The following HTR4 variants were observed in gnomAD, a reference collection of about 807,000 sequenced individuals.
HTR4 encodes 5-hydroxytryptamine (serotonin) receptor 4, G protein-coupled.
HTR4 carries 16 observed loss-of-function variants against 36.8 expected under a neutral mutation model. The observed-to-expected ratio is 0.43, with a 90% CI of 0.29 to 0.66. The LOEUF (loss-of-function observed/expected upper bound fraction) is 0.66. Ranked by LOEUF, HTR4 falls within the 30% of genes least tolerant of loss-of-function variation. The pLI is 0.13. For missense variants in HTR4, 438 were observed against 490.9 expected (o/e 0.89, Z 1.02); for synonymous variants, 189 against 185.1 (o/e 1.02, Z -0.17).
intron 5 of HTR4, among the ~76,000 whole-genome samples, chr5:148,468,217 C>A (rs907655104): frequency 3.3e-5 from 5 of 152,104 alleles, no homozygotes; most frequent in Non-Finnish European, 5.9e-5. Context: ...AACTCAAAAC[C>A]AGGAAGAGAG....
intron 2 of HTR4, among the ~76,000 whole-genome samples, chr5:148,617,622 C>T (rs1469473894): frequency 6.6e-6 from 1 of 151,924 alleles, no homozygotes; most frequent in Non-Finnish European, 1.5e-5. Flanking sequence ...GTGCACGCCA[C>T]CACACCCAGC....
At chr5:148,612,826 A>T (rs1215691508) in intron 2 of HTR4, among the ~76,000 whole-genome samples, 1 of 143,662 alleles carries the variant, frequency 7.0e-6, no homozygotes, top group Non-Finnish European at 1.5e-5. Flanking sequence ...AAATAGACGC[A>T]ATAAAAAATG....
intron 2 of HTR4, among the ~76,000 whole-genome samples, chr5:148,556,657 T>C (rs1350517535): frequency 6.6e-6 from 1 of 152,194 alleles, no homozygotes; most frequent in Non-Finnish European, 1.5e-5. Context: ...CAAATGTTAA[T>C]ATTTATATTA....
At chr5:148,534,165 T>C (rs1758703883) in intron 4 of HTR4, among the ~76,000 whole-genome samples, 1 of 152,188 alleles carries the variant, frequency 6.6e-6, no homozygotes, top group Non-Finnish European at 1.5e-5. Context: ...AAACAGGTCA[T>C]GTATAGCTTG....
chr5:148,510,672 T>A (rs1414246362), intron 5 of HTR4, among the ~76,000 whole-genome samples: 2 of 152,252 alleles, frequency 1.3e-5, no homozygotes, highest in East Asian at 3.8e-4. Flanking sequence ...TCATTAATAT[T>A]TGAGAACCAT....
chr5:148,609,636 G>T (rs1205718637), intron 2 of HTR4, among the ~76,000 whole-genome samples: 1 of 151,154 alleles, frequency 6.6e-6, no homozygotes, highest in African/African-American at 2.4e-5. Flanking sequence ...CGCGATCTAG[G>T]CTCACTGCAC....
rs933249984 is a variant in HTR4, at chr5:148,649,026, A to C, written c.-48+5036T>G. On this transcript the variant is annotated intron_variant, in intron 1 of 6. Transcript: ENST00000377888. ...TGTATAACCAATAAATACATTTACTAATACACCTAGCCTTCTAACTAATAC... is the reference window on the plus strand; with the variant it reads ...TGTATAACCAATAAATACATTTACTCATACACCTAGCCTTCTAACTAATAC... Among the ~76,000 whole-genome samples the C allele has an allele frequency of 4.6e-5, 7 of 152,318 alleles. No homozygotes were observed. The South Asian group carries it at 8.3e-4, about 18-fold the overall frequency.
At chr5:148,543,225 AAG>A (rs1759206762) in intron 4 of HTR4, among the ~76,000 whole-genome samples, 1 of 152,210 alleles carries the variant, frequency 6.6e-6, no homozygotes, top group African/African-American at 2.4e-5. Context: ...CATAGGGACA[AAG>A]AGGGACAGAT....
chr5:148,596,435 A>G (rs1034324737), intron 2 of HTR4, among the ~76,000 whole-genome samples: 1 of 152,112 alleles, frequency 6.6e-6, no homozygotes, highest in Non-Finnish European at 1.5e-5. Context: ...AAAGCTCTCT[A>G]TTAACTCACC....
At chr5:148,595,709 C>T (rs2127262889) in intron 2 of HTR4, among the ~76,000 whole-genome samples, 1 of 152,098 alleles carries the variant, frequency 6.6e-6, no homozygotes, top group African/African-American at 2.4e-5. Flanking sequence ...GTATTGATTC[C>T]AAATATAATG....
intron 1 of HTR4, among the ~76,000 whole-genome samples, chr5:148,643,725 C>T (rs1753793649): frequency 6.6e-6 from 1 of 152,096 alleles, no homozygotes; most frequent in Admixed American, 6.6e-5. Context: ...TTTGTGGCTC[C>T]AGAGGAGAAA....
intron 2 of HTR4, among the ~76,000 whole-genome samples, chr5:148,556,841 C>T (rs762454092): frequency 3.3e-5 from 5 of 152,052 alleles, no homozygotes; most frequent in South Asian, 2.1e-4. Context: ...ATAGAAAACA[C>T]GCTGGCTTAG....
chr5:148,622,033 T>C (rs1752935963), intron 2 of HTR4, among the ~76,000 whole-genome samples: 1 of 152,198 alleles, frequency 6.6e-6, no homozygotes, highest in Non-Finnish European at 1.5e-5. Flanking sequence ...CTTTGACCGG[T>C]ATCCAAATGC....
At chr5:148,614,203 A>G in intron 2 of HTR4, among the ~76,000 whole-genome samples, 1 of 152,208 alleles carries the variant, frequency 6.6e-6, no homozygotes, top group Non-Finnish European at 1.5e-5. Context: ...TATGGAACCA[A>G]AAAAGAGCCT....
chr5:148,553,915 A>G (rs1477257937), intron 2 of HTR4, among the ~76,000 whole-genome samples: 1 of 152,252 alleles, frequency 6.6e-6, no homozygotes, highest in Non-Finnish European at 1.5e-5. Flanking sequence ...ATACAAACAG[A>G]CACTTGTATA....
At chr5:148,525,036 G>A (rs990528299) in intron 4 of HTR4, among the ~76,000 whole-genome samples, 4 of 152,162 alleles carry the variant, frequency 2.6e-5, no homozygotes, top group Admixed American at 1.3e-4. Context: ...TTGGTGGGGT[G>A]TCCTGATCTG....
At position 148,654,514 on chromosome 5, in the gene HTR4, A is replaced by T; in HGVS notation, c.-500T>A. 1.0e-6 allele frequency: 1 copy of T among 985,150 alleles called. No individual in the cohort carries two copies. The highest frequency in any genetic ancestry group is 1.2e-6 in the Non-Finnish European group (1 of 829,662). The allele number at this position is 985,150 out of a possible 1,614,324, so 61.0% of individuals were successfully genotyped here. A position where few individuals can be genotyped will look rare whatever the true frequency, so the allele number is the denominator to read the frequency against. ...GCCAGCACGCGCCCTCCCTGGCCGG[A>T]GCGCTGCTCATCTGATGGAGGGCAG... On this transcript the variant is annotated 5_prime_UTR_variant, in exon 1 of 7. Transcript: ENST00000377888.
chr5:148,634,500 A>C (rs1022822207), intron 2 of HTR4, among the ~76,000 whole-genome samples: 24 of 152,288 alleles, frequency 1.6e-4, no homozygotes, highest in African/African-American at 5.3e-4. Context: ...AATGATATGG[A>C]GCTTGTAGGA....
intron 2 of HTR4, among the ~76,000 whole-genome samples, chr5:148,611,868 G>T (rs977588806): frequency 6.6e-6 from 1 of 151,580 alleles, no homozygotes; most frequent in East Asian, 1.9e-4. Flanking sequence ...AAAAGGCAGG[G>T]GTTGCAATCC....
Sources: allele counts gnomAD v4.1 joint callset (sites outside exome capture counted in the v4.1 genomes callset), GRCh38; gene constraint gnomAD v4.1.1; transcripts MANE v1.5; gene names NCBI Gene and HGNC (gene_info 2026-07-23, HGNC 2026-07-21).